The following WWOX variants were observed in gnomAD, a reference collection of about 807,000 sequenced individuals.
The protein encoded by WWOX is WW domain-containing oxidoreductase.
A neutral mutation model predicts 46.2 loss-of-function variants in WWOX; 69 were observed. That is an observed-to-expected ratio of 1.49 (90% CI 1.23 to 1.82). WWOX has a LOEUF of 1.82. WWOX is among the 40% of genes most tolerant of loss of function. WWOX has a pLI of 0.00. For missense variants in WWOX, 919 were observed against 542.6 expected (o/e 1.69, Z -6.89); for synonymous variants, 359 against 202.6 (o/e 1.77, Z -6.56).
chr16:78,303,936 G>C (rs2080088606), intron 5 of WWOX, among the ~76,000 whole-genome samples: 1 of 152,186 alleles, frequency 6.6e-6, no homozygotes, highest in Non-Finnish European at 1.5e-5. Context: ...TATTGCTTTT[G>C]AATCTATACG....
At chr16:78,691,397 G>C in intron 8 of WWOX, 1 of 655,384 alleles carries the variant, frequency 1.5e-6, no homozygotes, top group East Asian at 2.7e-5. Flanking sequence ...GGCCTACAGG[G>C]TGCTTTAGAA....
chr16:78,209,433 TG>T (rs2036490445), intron 5 of WWOX, among the ~76,000 whole-genome samples: 1 of 152,248 alleles, frequency 6.6e-6, no homozygotes, highest in African/African-American at 2.4e-5. Context: ...AGGCATTAAC[TG>T]TTGTCAAGTC....
At chr16:79,085,715 AC>A (rs1167457405) in intron 8 of WWOX, among the ~76,000 whole-genome samples, 6 of 152,134 alleles carry the variant, frequency 3.9e-5, no homozygotes, top group African/African-American at 1.4e-4. Context: ...AAAACCAGTT[AC>A]CCTATAGTCA....
intron 8 of WWOX, among the ~76,000 whole-genome samples, chr16:78,992,034 A>G (rs2046897386): frequency 6.6e-6 from 1 of 152,188 alleles, no homozygotes; most frequent in African/African-American, 2.4e-5. Context: ...CCCCACTTTC[A>G]GGCTCTCCTT....
chr16:78,663,870 T>G (rs2047271011), intron 8 of WWOX, among the ~76,000 whole-genome samples: 1 of 152,138 alleles, frequency 6.6e-6, no homozygotes, highest in African/African-American at 2.4e-5. Context: ...ACACTCGATG[T>G]GTTCAAGGGA....
rs370789815 is a variant in WWOX at position 78,707,036 on chromosome 16, A to C, written c.1056+274284A>C. ...AGACCATGATCCATGTAAACCATGG[A>C]ATATTTTAAGCAGAAAAGAACGTAT... On this transcript the variant is annotated intron_variant, in intron 8 of 8. Coordinates refer to ENST00000566780, the MANE Select transcript of WWOX (RefSeq NM_016373.4). Among the ~76,000 whole-genome samples, 49 of 152,210 alleles carry C rather than the reference A, an allele frequency of 3.2e-4. 1 individual carries two copies. Among genetic ancestry groups the C allele is most frequent in the African/African-American group, 1.2e-3 (49 of 41,458 alleles).
chr16:78,177,913 G>A (rs9923809), intron 5 of WWOX, among the ~76,000 whole-genome samples: 6,235 of 152,288 alleles, frequency 0.041, 403 homozygotes, highest in African/African-American at 0.14. Flanking sequence ...GAACTTTAAC[G>A]TCCATCCACG....
At position 78,902,569 on chromosome 16, in the gene WWOX, G is replaced by A. The variant is rs1031951784; in HGVS notation, c.1057-309039G>A. Among the ~76,000 whole-genome samples, 3 of 152,206 alleles carry A rather than the reference G, an allele frequency of 2.0e-5. No homozygotes were observed. In the East Asian group the frequency reaches 5.8e-4, roughly 29 times the overall value. Reference sequence around the variant, plus strand: ...CTGCGGGGGCCTAGGCCAAAGATATGCCCGAGTAGAAAATCTGACACCAGC... The same window carrying A: ...CTGCGGGGGCCTAGGCCAAAGATATACCCGAGTAGAAAATCTGACACCAGC... On this transcript the variant is annotated intron_variant, in intron 8 of 8. Coordinates refer to ENST00000566780, the MANE Select transcript of WWOX (RefSeq NM_016373.4).
chr16:79,007,195 A>G (rs1012179242), intron 8 of WWOX, among the ~76,000 whole-genome samples: 11 of 152,180 alleles, frequency 7.2e-5, no homozygotes, highest in African/African-American at 2.4e-4. Flanking sequence ...AGTCAACGAG[A>G]AAGTCAAGTT....
In WWOX at chr16:78,348,940, A is replaced by C. The variant is rs555691907; in HGVS notation, c.517-37920A>C. 7.3e-4 allele frequency among the ~76,000 whole-genome samples: 88 copies of C among 120,892 alleles called. 17 individuals are homozygous for C. Among genetic ancestry groups the C allele is most frequent in the African/African-American group, 2.4e-3 (86 of 35,700 alleles). The allele number at this position is 120,892 out of a possible 152,430, so 79.3% of individuals were successfully genotyped here. A position where few individuals can be genotyped will look rare whatever the true frequency, so the allele number is the denominator to read the frequency against. ...GGTGGAAAATAGCCCAGCAGAGGGG[A>C]AAAGAGGAAGTCTGAACGAGGGCCA... On this transcript the variant is annotated intron_variant, in intron 5 of 8. Coordinates refer to ENST00000566780, the MANE Select transcript of WWOX (RefSeq NM_016373.4).
intron 5 of WWOX, among the ~76,000 whole-genome samples, chr16:78,341,321 A>G (rs1430463642): frequency 8.3e-6 from 1 of 120,440 alleles, no homozygotes; most frequent in Admixed American, 8.1e-5. Flanking sequence ...TTAAATTTTT[A>G]TATTGAATAA....
intron 5 of WWOX, among the ~76,000 whole-genome samples, chr16:78,326,658 A>G (rs1000477774): frequency 1.4e-5 from 2 of 145,286 alleles, no homozygotes; most frequent in African/African-American, 2.5e-5. Flanking sequence ...TTTCTGGCAT[A>G]CAGCATATGT....
intron 8 of WWOX, among the ~76,000 whole-genome samples, chr16:79,054,696 G>A (rs915805451): frequency 1.4e-4 from 22 of 152,116 alleles, no homozygotes; most frequent in Non-Finnish European, 2.2e-4. Flanking sequence ...GTGGTGTCGT[G>A]TGTCTGTAAG....
At chr16:78,679,583 A>T (rs1230862473) in intron 8 of WWOX, among the ~76,000 whole-genome samples, 1 of 152,116 alleles carries the variant, frequency 6.6e-6, no homozygotes, top group African/African-American at 2.4e-5. Context: ...AAATAAATAT[A>T]ATACAGACAC....
At chr16:79,016,744 T>C (rs1453321918) in intron 8 of WWOX, 2 of 152,188 alleles carry the variant, frequency 1.3e-5, no homozygotes, top group Non-Finnish European at 2.9e-5. Flanking sequence ...TTTCTGTTTT[T>C]ATCCTCTTCC....
chr16:79,015,635 C>T (rs1308351806), intron 8 of WWOX, among the ~76,000 whole-genome samples: 1 of 152,194 alleles, frequency 6.6e-6, no homozygotes. Flanking sequence ...AAGCACACCA[C>T]TGTGGGATTA....
chr16:78,667,233 G>C (rs528231615), intron 8 of WWOX, among the ~76,000 whole-genome samples: 1 of 152,164 alleles, frequency 6.6e-6, no homozygotes, highest in Non-Finnish European at 1.5e-5. Context: ...TTAGGTTTCT[G>C]CCCCTCGTAG....
chr16:78,167,627 T>C (rs1220281987), intron 5 of WWOX: 1 of 152,204 alleles, frequency 6.6e-6, no homozygotes, highest in Non-Finnish European at 1.5e-5. Flanking sequence ...TTTTCACTTG[T>C]TCTCTCTGTA....
intron 8 of WWOX, among the ~76,000 whole-genome samples, chr16:79,025,657 A>G (rs2047623365): frequency 6.6e-6 from 1 of 152,186 alleles, no homozygotes; most frequent in South Asian, 2.1e-4. Context: ...CAGAATACTA[A>G]GAAAATAAAT....
Sources: gnomAD v4.1 joint callset for allele counts (sites outside exome capture counted in the v4.1 genomes callset) on GRCh38, gnomAD v4.1.1 for gene constraint, MANE v1.5 for transcripts, NCBI Gene and HGNC (gene_info 2026-07-23, HGNC 2026-07-21) for gene names.